ANKS1B: variants seen among roughly 807,000 people sequenced by gnomAD.
ANKS1B encodes ankyrin repeat and sterile alpha motif domain containing 1B.
In ANKS1B, 36 loss-of-function variants were observed where a neutral mutation model predicts 148.3. The observed-to-expected ratio is 0.24, with a 90% CI of 0.19 to 0.32. The LOEUF (loss-of-function observed/expected upper bound fraction) is 0.32. ANKS1B is among the 10% of genes least tolerant of loss of function. The pLI is 1.00. For missense variants in ANKS1B, 1,157 were observed against 1,542.6 expected, an observed-to-expected ratio of 0.75 and a Z score of 4.19; for synonymous variants, 542 against 560.8, an observed-to-expected ratio of 0.97 and a Z score of 0.47.
At chr12:99,004,118 G>T (rs113301127) in intron 17 of ANKS1B, among the ~76,000 whole-genome samples, 3,563 of 152,306 alleles carry the variant, frequency 0.023, 55 homozygotes, top group Non-Finnish European at 0.034. Flanking sequence ...GAGGGAAAGA[G>T]TCAGTCAATT....
chr12:99,386,617 T>G (rs1259712682), intron 12 of ANKS1B, among the ~76,000 whole-genome samples: 4 of 152,344 alleles, frequency 2.6e-5, no homozygotes, highest in Admixed American at 2.6e-4. Context: ...AATTATAAAT[T>G]ATTGTACATT....
intron 9 of ANKS1B, among the ~76,000 whole-genome samples, chr12:99,546,001 A>G (rs900593411): frequency 2.0e-5 from 3 of 152,062 alleles, no homozygotes; most frequent in Admixed American, 6.6e-5. Flanking sequence ...AGAATACTGA[A>G]AAATGTATGG....
At chr12:99,975,761 T>C (rs1215863185) in intron 1 of ANKS1B, among the ~76,000 whole-genome samples, 1 of 152,228 alleles carries the variant, frequency 6.6e-6, no homozygotes, top group Non-Finnish European at 1.5e-5. Flanking sequence ...TCCCATTCTG[T>C]AGGTTGTCTG....
intron 9 of ANKS1B, among the ~76,000 whole-genome samples, chr12:99,609,133 C>G (rs2097876952): frequency 6.6e-6 from 1 of 151,920 alleles, no homozygotes; most frequent in Non-Finnish European, 1.5e-5. Flanking sequence ...GTGAAGTTCC[C>G]ATGGGAGAAG....
At chr12:98,909,683 C>T (rs2099784104) in intron 17 of ANKS1B, among the ~76,000 whole-genome samples, 1 of 152,100 alleles carries the variant, frequency 6.6e-6, no homozygotes, top group Admixed American at 6.5e-5. Flanking sequence ...CTCGTTATCC[C>T]TTAGATAACT....
At chr12:99,669,747 CT>C (rs569460406) in intron 8 of ANKS1B, among the ~76,000 whole-genome samples, 1 of 152,150 alleles carries the variant, frequency 6.6e-6, no homozygotes, top group Non-Finnish European at 1.5e-5. Flanking sequence ...TTCTGGACCT[CT>C]TTTTTGGTAT....
chr12:98,951,949 T>A (rs2099854708), intron 17 of ANKS1B, among the ~76,000 whole-genome samples: 1 of 152,242 alleles, frequency 6.6e-6, no homozygotes, highest in Non-Finnish European at 1.5e-5. Flanking sequence ...CAATTGCCTG[T>A]CACAGTACCT....
At chr12:99,170,229 T>C (rs1037806364) in intron 14 of ANKS1B, among the ~76,000 whole-genome samples, 2 of 152,336 alleles carry the variant, frequency 1.3e-5, no homozygotes, top group South Asian at 4.1e-4. Flanking sequence ...TGGTCTGCAA[T>C]GCATGGATGC....
At chr12:99,748,848 C>T (rs2060842774) in intron 8 of ANKS1B, among the ~76,000 whole-genome samples, 1 of 152,040 alleles carries the variant, frequency 6.6e-6, no homozygotes. Flanking sequence ...AGCCAAAATT[C>T]AGGTAATACT....
chr12:99,634,058 T>C (rs907002804), intron 9 of ANKS1B, among the ~76,000 whole-genome samples: 1 of 152,176 alleles, frequency 6.6e-6, no homozygotes, highest in Non-Finnish European at 1.5e-5. Context: ...GAGAAGGACA[T>C]CAGTTTTGGA....
intron 11 of ANKS1B, among the ~76,000 whole-genome samples, chr12:99,435,093 T>C (rs1371576123): frequency 6.6e-6 from 1 of 152,068 alleles, no homozygotes; most frequent in Non-Finnish European, 1.5e-5. Flanking sequence ...TGAATAATAT[T>C]CCACTGGCAT....
intron 12 of ANKS1B, among the ~76,000 whole-genome samples, chr12:99,376,763 A>G (rs992201970): frequency 1.3e-5 from 2 of 152,142 alleles, no homozygotes; most frequent in Admixed American, 6.5e-5. Context: ...TCTCTTGATG[A>G]CAGTCTCATC....
chr12:99,174,883 C>T (rs990793394), intron 14 of ANKS1B, among the ~76,000 whole-genome samples: 1 of 152,206 alleles, frequency 6.6e-6, no homozygotes, highest in South Asian at 2.1e-4. Context: ...AATTCCTCTT[C>T]TTGCTTTTGT....
In ANKS1B at chr12:99,084,937, C is replaced by G. The variant is rs756721207; in HGVS notation, c.2613G>C (p.Gln871His). Residue 871 changes from glutamine (Q) to histidine (H), a missense_variant, in exon 16 of 27, where the codon CAG becomes CAC. By Grantham distance (24) the Gln-to-His change is conservative. This residue lies in a region of ANKS1B where 258 missense variants were observed against 497.0 expected (regional missense o/e 0.52). Transcript: ENST00000683438. Reference protein sequence around the residue: ...GHRQRILQAIQLLPKMRPIGH... With the variant: ...GHRQRILQAIHLLPKMRPIGH... ...AAGTATTGCTCACCTTTGGAAGGAGCTGGATTGCCTGTAGAATTCTTTGTC... is the reference window on the plus strand; with the variant it reads ...AAGTATTGCTCACCTTTGGAAGGAGGTGGATTGCCTGTAGAATTCTTTGTC... 2 of 1,608,846 alleles carry G rather than the reference C, an allele frequency of 1.2e-6. No individual in the cohort carries two copies. Among genetic ancestry groups the G allele is most frequent in the Non-Finnish European group, 1.7e-6 (2 of 1,177,620 alleles).
intron 20 of ANKS1B, among the ~76,000 whole-genome samples, chr12:98,802,676 C>T (rs1187627864): frequency 1.6e-5 from 2 of 124,740 alleles, no homozygotes; most frequent in Non-Finnish European, 3.1e-5. Context: ...TGGGTCACTT[C>T]GACTCGCAGA....
At chr12:99,731,097 C>T (rs1290070841) in intron 8 of ANKS1B, among the ~76,000 whole-genome samples, 1 of 151,662 alleles carries the variant, frequency 6.6e-6, no homozygotes, top group Non-Finnish European at 1.5e-5. Context: ...TGCACCACCA[C>T]ACCTGGCTAA....
chr12:99,794,419 C>T (rs2065990826), intron 4 of ANKS1B, among the ~76,000 whole-genome samples: 1 of 147,020 alleles, frequency 6.8e-6, no homozygotes, highest in Admixed American at 6.9e-5. Flanking sequence ...TGGAAGCAAC[C>T]TAAGTGTCCA....
chr12:99,855,070 G>C lies in ANKS1B; in HGVS notation c.135-29681C>G, dbSNP rs541713139. Among the ~76,000 whole-genome samples, 309 of 152,142 alleles carry C rather than the reference G, an allele frequency of 2.0e-3. 2 individuals carry two copies. The highest frequency in any genetic ancestry group is 2.2e-3 in the Non-Finnish European group (149 of 67,980). The stretch of plus-strand genomic sequence containing the variant: ...TCACATCTCGATACTAACATTGAAT[G>C]TAAGTGGCCTAAATGTTCCACTTAA... On this transcript the variant is annotated intron_variant, in intron 1 of 26. Transcript: ENST00000683438.
At chr12:99,952,282 T>G (rs2095240031) in intron 1 of ANKS1B, among the ~76,000 whole-genome samples, 1 of 152,214 alleles carries the variant, frequency 6.6e-6, no homozygotes, top group Non-Finnish European at 1.5e-5. Flanking sequence ...TTTTCTTTTC[T>G]TTCCTATGTT....
Sources: gnomAD v4.1 joint callset for allele counts (sites outside exome capture counted in the v4.1 genomes callset) on GRCh38, gnomAD v4.1.1 for gene constraint, gnomAD v4.1.1 regional missense constraint, MANE v1.5 for transcripts, NCBI Gene and HGNC (gene_info 2026-07-23, HGNC 2026-07-21) for gene names.